Variants in SMARCC1 observed in about 807,000 individuals in gnomAD.
The protein encoded by SMARCC1 is SWI/SNF related BAF chromatin remodeling complex subunit C1, also known as SWI/SNF complex subunit SMARCC1.
Under a neutral mutation model 147.4 loss-of-function variants are expected in SMARCC1, and 43 were observed. The observed-to-expected ratio is 0.29, with a 90% confidence interval of 0.23 to 0.38. The LOEUF (loss-of-function observed/expected upper bound fraction) is 0.38. SMARCC1 is among the 10% of genes least tolerant of loss of function. The pLI is 1.00. For synonymous variants in SMARCC1, 495 were observed against 484.4 expected (o/e 1.02, Z -0.29); for missense variants, 1,119 against 1,381.1 (o/e 0.81, Z 3.01).
intron 19 of SMARCC1, among the ~76,000 whole-genome samples, chr3:47,667,794 G>A (rs201759736): frequency 2.0e-5 from 3 of 152,056 alleles, no homozygotes; most frequent in African/African-American, 4.8e-5. Context: ...GAAGAACTGC[G>A]TGAACCCAGG....
intron 2 of SMARCC1, among the ~76,000 whole-genome samples, chr3:47,757,287 A>G (rs1231395255): frequency 2.0e-5 from 3 of 152,134 alleles, no homozygotes; most frequent in African/African-American, 7.2e-5. Flanking sequence ...AGAAAGACCA[A>G]TGTGCAAATT....
At chr3:47,730,731 T>C (rs778226724) in intron 5 of SMARCC1, among the ~76,000 whole-genome samples, 4 of 151,838 alleles carry the variant, frequency 2.6e-5, no homozygotes, top group Non-Finnish European at 5.9e-5. Context: ...CCAAGTGTGG[T>C]GGCAGACGCC....
At chr3:47,628,318 GT>G (rs1215627420) in intron 24 of SMARCC1, among the ~76,000 whole-genome samples, 1 of 152,064 alleles carries the variant, frequency 6.6e-6, no homozygotes, top group East Asian at 1.9e-4. Context: ...ACTGTCCCTA[GT>G]TTTAAACTAG....
chr3:47,688,492 G>A (rs1340917969), intron 13 of SMARCC1, among the ~76,000 whole-genome samples: 1 of 152,062 alleles, frequency 6.6e-6, no homozygotes, highest in Middle Eastern at 3.4e-3. Flanking sequence ...AGCAAGTTAA[G>A]GAAATTATTT....
At chr3:47,707,691 T>C (rs1190474022) in intron 9 of SMARCC1, among the ~76,000 whole-genome samples, 2 of 151,990 alleles carry the variant, frequency 1.3e-5, no homozygotes, top group South Asian at 2.1e-4. Context: ...CTGGGAAACA[T>C]AGTAAGACCT....
chr3:47,636,786 A>ATGTGTGTGTGTG (rs771728075), intron 22 of SMARCC1, among the ~76,000 whole-genome samples: 3 of 140,916 alleles, frequency 2.1e-5, no homozygotes, highest in Non-Finnish European at 3.1e-5. Flanking sequence ...CAAAATATAT[A>ATGTGTGTGTGTG]TATGTGTGTG....
intron 2 of SMARCC1, among the ~76,000 whole-genome samples, chr3:47,751,966 C>T (rs1576431033): frequency 6.6e-6 from 1 of 152,108 alleles, no homozygotes; most frequent in African/African-American, 2.4e-5. Context: ...CATCTGTGAT[C>T]CCAGCTACTC....
chr3:47,746,030 G>T, intron 2 of SMARCC1, 37 bp from the exon 3 acceptor site: 1 of 1,349,130 alleles, frequency 7.4e-7, no homozygotes, highest in South Asian at 1.4e-5. Context: ...GAAAAATAAA[G>T]CTTCTGACAA....
At chr3:47,686,961 A>G (rs779292128) in intron 13 of SMARCC1, among the ~76,000 whole-genome samples, 3 of 152,216 alleles carry the variant, frequency 2.0e-5, no homozygotes, top group Non-Finnish European at 4.4e-5. Flanking sequence ...CCTGCACTCC[A>G]GTCTAGGCAA....
chr3:47,620,458 G>A (rs1419260338), intron 25 of SMARCC1, among the ~76,000 whole-genome samples: 1 of 148,442 alleles, frequency 6.7e-6, no homozygotes, highest in Non-Finnish European at 1.5e-5. Context: ...GTAAGACTCC[G>A]TTTTCAGGAA....
At chr3:47,592,679 A>C (rs1045735063) in intron 26 of SMARCC1, among the ~76,000 whole-genome samples, 11 of 152,158 alleles carry the variant, frequency 7.2e-5, no homozygotes, top group Non-Finnish European at 1.3e-4. Context: ...GTTCACTGCA[A>C]CCTCAACCAC....
chr3:47,610,083 G>C lies in SMARCC1; in HGVS notation c.3026C>G (p.Pro1009Arg). 1 of 1,612,662 alleles carries C rather than the reference G, an allele frequency of 6.2e-7. No individual in the cohort carries two copies. Among genetic ancestry groups the C allele is most frequent in the Non-Finnish European group, 8.5e-7 (1 of 1,179,994 alleles). ...YPLMHHQMPP[P>R]HPPQPGQIPG... Reference sequence around the variant, plus strand: ...CCTCTTACCTGGCTGGGGTGGATGAGGTGGTGGCATCTGGTGGTGCATCAG... The same window carrying C: ...CCTCTTACCTGGCTGGGGTGGATGACGTGGTGGCATCTGGTGGTGCATCAG... Residue 1009 changes from proline to arginine, a missense_variant, in exon 26 of 28, where the codon CCT (proline) becomes CGT (arginine). Pro to Arg is a moderately radical substitution (Grantham distance 103). This residue lies in a region of SMARCC1 where 186 missense variants were observed against 216.5 expected (regional missense o/e 0.86). Transcript: ENST00000254480.
intron 26 of SMARCC1, among the ~76,000 whole-genome samples, chr3:47,608,176 C>T (rs2032508633): frequency 6.6e-6 from 1 of 152,168 alleles, no homozygotes; most frequent in Non-Finnish European, 1.5e-5. Context: ...CAACCTCCGC[C>T]TCCTAGGTTC....
intron 13 of SMARCC1, among the ~76,000 whole-genome samples, chr3:47,688,322 A>C (rs2033753395): frequency 6.7e-6 from 1 of 149,806 alleles, no homozygotes; most frequent in Non-Finnish European, 1.5e-5. Context: ...TTTTTTTTTT[A>C]ATCATAAGAA....
At chr3:47,629,978 G>C in intron 24 of SMARCC1, among the ~76,000 whole-genome samples, 1 of 151,718 alleles carries the variant, frequency 6.6e-6, no homozygotes, top group Middle Eastern at 3.2e-3. Context: ...GTGGTGACCA[G>C]GGTGTTCCAA....
chr3:47,722,175 C>G (rs755234531), intron 6 of SMARCC1, among the ~76,000 whole-genome samples: 10 of 151,442 alleles, frequency 6.6e-5, no homozygotes, highest in South Asian at 2.1e-4. Context: ...TGGTGGTGTT[C>G]TAACTAGTAA....
intron 18 of SMARCC1, among the ~76,000 whole-genome samples, chr3:47,671,185 A>AAAAAAAAAAAAAAC (rs2033494050): frequency 2.1e-5 from 3 of 142,902 alleles, no homozygotes; most frequent in Non-Finnish European, 4.5e-5. Context: ...AAAAAAAAAA[A>AAAAAAAAAAAAAAC]AAAAAAAAAA....
intron 27 of SMARCC1, among the ~76,000 whole-genome samples, chr3:47,589,187 A>AGTG (rs2032134273): frequency 6.6e-6 from 1 of 152,178 alleles, no homozygotes; most frequent in East Asian, 1.9e-4. Flanking sequence ...GAAGGGCTGA[A>AGTG]GTGGAGAAGC....
intron 3 of SMARCC1, among the ~76,000 whole-genome samples, chr3:47,740,132 G>A (rs2034491582): frequency 7.3e-6 from 1 of 136,268 alleles, no homozygotes; most frequent in Admixed American, 7.6e-5. Context: ...GTCTCTCAAA[G>A]AGCTGGGATT....
Sources: allele counts gnomAD v4.1 joint callset (sites outside exome capture counted in the v4.1 genomes callset), GRCh38; gene constraint gnomAD v4.1.1; regional missense constraint gnomAD v4.1.1; transcripts MANE v1.5; gene names NCBI Gene and HGNC (gene_info 2026-07-23, HGNC 2026-07-21).